RAPGEF5: variants seen among roughly 807,000 people sequenced by gnomAD.
The protein encoded by RAPGEF5 is M-Ras-regulated GEF.
RAPGEF5 carries 65 observed loss-of-function variants against 125.2 expected under a neutral mutation model. The ratio of observed to expected loss-of-function variants is 0.52; its 90% CI spans 0.43 to 0.64. RAPGEF5 has a LOEUF of 0.64. Ranked by LOEUF, RAPGEF5 falls within the 30% of genes least tolerant of loss-of-function variation. The pLI is 0.00. For synonymous variants in RAPGEF5, 391 were observed against 385.9 expected, an observed-to-expected ratio of 1.01 and a Z score of -0.16; for missense variants, 958 against 1,048.1, an observed-to-expected ratio of 0.91 and a Z score of 1.19.
rs943516917 is a variant in RAPGEF5, at chr7:22,120,629, G to A, written c.*1777C>T. The A allele has an allele frequency of 2.0e-5, 3 of 152,672 alleles. No homozygotes were observed. The highest frequency in any genetic ancestry group is 2.9e-5 in the Non-Finnish European group (2 of 68,090). The allele number at this position is 152,672 out of a possible 1,614,324, so 9.5% of individuals were successfully genotyped here. On this transcript the variant is annotated 3_prime_UTR_variant, in exon 26 of 26. Transcript: ENST00000665637. The surrounding 1 kb of genome is among the most constrained non-coding windows in gnomAD (Gnocchi z 4.0). ...GGGAAGTCTGCTCTCCGGTTCTCAC[G>A]GCTCTGGTGTCCTGTGGGCCACATT...
intron 13 of RAPGEF5, 87 bp downstream of exon 13, chr7:22,162,310 T>G: frequency 1.5e-6 from 2 of 1,364,468 alleles, no homozygotes; most frequent in Non-Finnish European, 2.0e-6. Context: ...TGAATGACTG[T>G]TACCTACAAA....
At chr7:22,136,231 A>C in intron 22 of RAPGEF5, 106 bp from the exon 23 acceptor site, 1 of 777,498 alleles carries the variant, frequency 1.3e-6, no homozygotes, top group South Asian at 2.1e-5. Context: ...AGATATAGAG[A>C]GATTCCTCCT....
At chr7:22,193,502 G>A (rs1785062433) in intron 10 of RAPGEF5, 47 bp from the exon 11 acceptor site, 2 of 1,557,146 alleles carry the variant, frequency 1.3e-6, no homozygotes, top group Non-Finnish European at 1.7e-6. Context: ...GTGGAAGACT[G>A]CGAGCGGCTG....
At chr7:22,301,359 T>G (rs900548107) in intron 5 of RAPGEF5, among the ~76,000 whole-genome samples, 3 of 152,190 alleles carry the variant, frequency 2.0e-5, no homozygotes, top group Non-Finnish European at 2.9e-5. Context: ...CTCACGCCTG[T>G]AATCTCCGAA....
chr7:22,295,530 T>C (rs192600062), intron 5 of RAPGEF5, among the ~76,000 whole-genome samples: 46 of 152,288 alleles, frequency 3.0e-4, no homozygotes, highest in Non-Finnish European at 5.3e-4. Flanking sequence ...CTGATAAAGA[T>C]AAGCAATCTG....
At chr7:22,230,970 T>C in intron 7 of RAPGEF5, 51 bp from the exon 8 acceptor site, 2 of 1,502,946 alleles carry the variant, frequency 1.3e-6, no homozygotes, top group Non-Finnish European at 1.8e-6. Flanking sequence ...CAAAAAATGC[T>C]TCAGATAATT....
At chr7:22,244,069 T>C (rs1311528160) in intron 7 of RAPGEF5, among the ~76,000 whole-genome samples, 2 of 152,200 alleles carry the variant, frequency 1.3e-5, no homozygotes, top group African/African-American at 4.8e-5. Flanking sequence ...GTGCCTGGCT[T>C]ATTTCACTTA....
intron 7 of RAPGEF5, among the ~76,000 whole-genome samples, chr7:22,255,948 G>T (rs1331626106): frequency 1.3e-5 from 2 of 152,176 alleles, no homozygotes; most frequent in Admixed American, 6.5e-5. Context: ...CATTCTGCCT[G>T]CAGACTTTCT....
intron 9 of RAPGEF5, among the ~76,000 whole-genome samples, chr7:22,218,292 A>C (rs570131027): frequency 1.3e-5 from 2 of 152,324 alleles, no homozygotes; most frequent in South Asian, 2.1e-4. Flanking sequence ...TTGTTTTGTC[A>C]TAAGCCTTAA....
chr7:22,263,014 C>A (rs1000349484), intron 7 of RAPGEF5, among the ~76,000 whole-genome samples: 2 of 152,166 alleles, frequency 1.3e-5, no homozygotes, highest in South Asian at 4.1e-4. Context: ...ATATATCCAA[C>A]AACCTGAATG....
Position 22,239,622 on chromosome 7 carries a change from TC to T in RAPGEF5, c.797-8704del, listed in dbSNP as rs1168236325. ...ACAGCAGAGAGGACTCCATTTCAAC[TC>T]TTACATCTTTTTTTTTTTAATAGCT... On this transcript the variant is annotated intron_variant, in intron 7 of 25. Coordinates refer to ENST00000665637, the MANE Select transcript of RAPGEF5 (RefSeq NM_012294.5). 3.3e-5 allele frequency among the ~76,000 whole-genome samples: 5 copies of T among 152,016 alleles called. No homozygotes were observed. In the East Asian group the frequency reaches 9.7e-4, roughly 29 times the overall value.
At chr7:22,343,428 A>T (rs1784165117) in intron 1 of RAPGEF5, among the ~76,000 whole-genome samples, 1 of 152,242 alleles carries the variant, frequency 6.6e-6, no homozygotes, top group South Asian at 2.1e-4. Flanking sequence ...TTGTAACAAC[A>T]GAAAATTTGA....
intron 1 of RAPGEF5, among the ~76,000 whole-genome samples, chr7:22,327,362 C>A (rs957900037): frequency 1.3e-5 from 2 of 152,180 alleles, no homozygotes; most frequent in Non-Finnish European, 2.9e-5. Flanking sequence ...TCCCCTGATT[C>A]ATTACATGAA....
At chr7:22,292,880 T>A (rs1383780102) in intron 5 of RAPGEF5, among the ~76,000 whole-genome samples, 1 of 152,252 alleles carries the variant, frequency 6.6e-6, no homozygotes, top group African/African-American at 2.4e-5. Flanking sequence ...CTCTCATAAA[T>A]CTGTTTTCAA....
chr7:22,212,018 A>G (rs1258802930), intron 9 of RAPGEF5, among the ~76,000 whole-genome samples: 2 of 141,896 alleles, frequency 1.4e-5, no homozygotes, highest in Non-Finnish European at 3.0e-5. Context: ...CCAGGCTGGA[A>G]TGCAGTGGCA....
At chr7:22,293,458 C>T (rs1782980358) in intron 5 of RAPGEF5, among the ~76,000 whole-genome samples, 1 of 152,184 alleles carries the variant, frequency 6.6e-6, no homozygotes, top group African/African-American at 2.4e-5. Flanking sequence ...CAAGCCTCTT[C>T]GACAGTCTAG....
intron 7 of RAPGEF5, among the ~76,000 whole-genome samples, chr7:22,247,948 C>T (rs924396708): frequency 6.6e-6 from 1 of 151,976 alleles, no homozygotes; most frequent in Admixed American, 6.6e-5. Context: ...AAAAAGATGG[C>T]AACAATAGAC....
chr7:22,247,023 A>G (rs902794415), intron 7 of RAPGEF5, among the ~76,000 whole-genome samples: 2 of 152,346 alleles, frequency 1.3e-5, no homozygotes, highest in African/African-American at 2.4e-5. Context: ...CAAAACTCCA[A>G]TGAGTTATCA....
chr7:22,267,782 A>G (rs531131129), intron 6 of RAPGEF5, among the ~76,000 whole-genome samples: 4 of 152,298 alleles, frequency 2.6e-5, no homozygotes, highest in African/African-American at 7.2e-5. Flanking sequence ...AAATTCCATA[A>G]TGAGGAAGCT....
Sources: allele counts gnomAD v4.1 joint callset (sites outside exome capture counted in the v4.1 genomes callset), GRCh38; gene constraint gnomAD v4.1.1; non-coding constraint Gnocchi (gnomAD v3.1); transcripts MANE v1.5; gene names NCBI Gene and HGNC (gene_info 2026-07-23, HGNC 2026-07-21).